The following RREB1 variants were observed in gnomAD, a reference collection of about 807,000 sequenced individuals.
RREB1 encodes ras responsive element binding protein 1, also known as ras-responsive element-binding protein 1.
In RREB1, 27 loss-of-function variants were observed where a neutral mutation model predicts 117.8. That is an observed-to-expected ratio of 0.23 (90% confidence interval 0.17 to 0.32). The LOEUF is 0.32. Ranked by LOEUF, RREB1 falls within the 10% of genes least tolerant of loss-of-function variation. The pLI is 1.00. For missense variants in RREB1, 2,577 were observed against 2,378.2 expected, an observed-to-expected ratio of 1.08 and a Z score of -1.74; for synonymous variants, 1,298 against 1,026.7, an observed-to-expected ratio of 1.26 and a Z score of -5.05.
chr6:7,229,460 T>C lies in RREB1; in HGVS notation c.1361T>C (p.Ile454Thr). ...KGFIIQPDSS[I>T]VVKPISGESA... ...TTCATCATCCAGCCTGACAGCAGCA[T>C]TGTGGTCAAGCCCATCTCTGGCGAG... The change falls in exon 10 of 13, where the codon ATT becomes ACT. Residue 454 changes from isoleucine (I) to threonine (T), a missense_variant. Transcript: ENST00000379938. The surrounding 1 kb of genome is among the most constrained non-coding windows in gnomAD (Gnocchi z 4.5). 6.2e-7 allele frequency: 1 copy of C among 1,614,112 alleles called. No homozygotes were observed. The highest frequency in any genetic ancestry group is 8.5e-7 in the Non-Finnish European group (1 of 1,180,002).
chr6:7,186,215 T>C (rs1765074351), intron 4 of RREB1, among the ~76,000 whole-genome samples: 1 of 152,222 alleles, frequency 6.6e-6, no homozygotes, highest in Non-Finnish European at 1.5e-5. Context: ...TCTCCTGGCT[T>C]GGGCTTGCCG....
At chr6:7,117,111 T>G (rs1478867272) in intron 1 of RREB1, among the ~76,000 whole-genome samples, 1 of 152,202 alleles carries the variant, frequency 6.6e-6, no homozygotes, top group Non-Finnish European at 1.5e-5. Flanking sequence ...AAATCTTGCT[T>G]TATGTGTTTG....
At chr6:7,169,545 G>T (rs1370957278) in intron 1 of RREB1, among the ~76,000 whole-genome samples, 1 of 152,238 alleles carries the variant, frequency 6.6e-6, no homozygotes, top group Non-Finnish European at 1.5e-5. Flanking sequence ...AGTGCCGAGG[G>T]CTGCTGTGTC....
At chr6:7,127,422 C>T (rs934332347) in intron 1 of RREB1, among the ~76,000 whole-genome samples, 29 of 151,942 alleles carry the variant, frequency 1.9e-4, no homozygotes, top group African/African-American at 6.8e-4. Context: ...CTTCTGAAGC[C>T]TTGTTAAATG....
intron 1 of RREB1, among the ~76,000 whole-genome samples, chr6:7,169,800 G>GA (rs1268462089): frequency 6.6e-6 from 1 of 152,142 alleles, no homozygotes; most frequent in Non-Finnish European, 1.5e-5. Flanking sequence ...GCAGGAAGAA[G>GA]AATGGGGTAC....
chr6:7,185,818 A>G (rs1392573652), intron 4 of RREB1, among the ~76,000 whole-genome samples: 2 of 152,178 alleles, frequency 1.3e-5, no homozygotes, highest in African/African-American at 4.8e-5. Flanking sequence ...TATAGAGCAT[A>G]GTGGCTTAGG....
At chr6:7,226,422 A>G (rs773092253) in intron 8 of RREB1, 45 bp from the exon 9 acceptor site, 44 of 1,472,268 alleles carry the variant, frequency 3.0e-5, no homozygotes, top group Non-Finnish European at 3.7e-5. Flanking sequence ...GCTTCCTCAT[A>G]TGCTCTCCCT....
intron 10 of RREB1, among the ~76,000 whole-genome samples, chr6:7,237,869 A>G (rs1768439923): frequency 6.6e-6 from 1 of 152,178 alleles, no homozygotes; most frequent in Non-Finnish European, 1.5e-5. Context: ...GAGCCTTTGT[A>G]GTTTGATGCA....
At position 7,188,709 on chromosome 6, in the gene RREB1, C is replaced by T. The variant is rs1765238076; in HGVS notation, c.262-450C>T. On this transcript the variant is annotated intron_variant, in intron 5 of 12. Coordinates refer to ENST00000379938, the MANE Select transcript of RREB1 (RefSeq NM_001003699.4). Reference sequence around the variant, plus strand: ...GTTCCTTTTTACCGTCTTTCAGAGGCCAAAACTCTACCCTGTGCAGGTTTC... The same window carrying T: ...GTTCCTTTTTACCGTCTTTCAGAGGTCAAAACTCTACCCTGTGCAGGTTTC... Among the ~76,000 whole-genome samples, 3 of 152,128 alleles carry T rather than the reference C, an allele frequency of 2.0e-5. No individual in the cohort carries two copies. In the South Asian group the frequency reaches 6.2e-4, roughly 32 times the overall value.
intron 11 of RREB1, among the ~76,000 whole-genome samples, chr6:7,242,487 G>C (rs537849205): frequency 1.3e-5 from 2 of 152,354 alleles, no homozygotes; most frequent in East Asian, 3.9e-4. Context: ...GAAAATACAT[G>C]TTTGGTTTAG....
At position 7,229,129 on chromosome 6, in the gene RREB1, G is replaced by T; in HGVS notation, c.1030G>T (p.Gly344Cys). The T allele has an allele frequency of 1.2e-6, 2 of 1,609,194 alleles. No homozygotes were observed. The highest frequency in any genetic ancestry group is 1.7e-6 in the Non-Finnish European group (2 of 1,176,220). The change falls in exon 10 of 13, where the codon GGT becomes TGT. Residue 344 changes from glycine (G) to cysteine (C), a missense_variant. By Grantham distance (159) the Gly-to-Cys change is radical (BLOSUM62 -3). Coordinates refer to ENST00000379938, the MANE Select transcript of RREB1 (RefSeq NM_001003699.4). The surrounding 1 kb of genome is among the most constrained non-coding windows in gnomAD (Gnocchi z 4.5). Reference protein sequence around the residue: ...HKQTHVAADQGQEKPQATPLP... With the variant: ...HKQTHVAADQCQEKPQATPLP... ...GCAGACCCATGTGGCGGCAGACCAG[G>T]GTCAAGAAAAGCCGCAGGCCACGCC...
chr6:7,131,108 T>A (rs1042642717), intron 1 of RREB1, among the ~76,000 whole-genome samples: 4 of 150,020 alleles, frequency 2.7e-5, no homozygotes, highest in Admixed American at 2.0e-4. Flanking sequence ...CCGGCTAATT[T>A]TTTGTATTTT....
chr6:7,129,287 G>T (rs987541533), intron 1 of RREB1, among the ~76,000 whole-genome samples: 2 of 152,250 alleles, frequency 1.3e-5, no homozygotes, highest in African/African-American at 4.8e-5. Context: ...GTTGAGGAAG[G>T]TGTCTGAGAA....
At chr6:7,169,333 C>T (rs938963930) in intron 1 of RREB1, among the ~76,000 whole-genome samples, 3 of 152,232 alleles carry the variant, frequency 2.0e-5, no homozygotes, top group Admixed American at 1.3e-4. Context: ...GGCCCTCTGC[C>T]CCTGTGGTCC....
At chr6:7,237,426 C>T (rs1040730865) in intron 10 of RREB1, among the ~76,000 whole-genome samples, 7 of 151,532 alleles carry the variant, frequency 4.6e-5, no homozygotes, top group Non-Finnish European at 1.0e-4. Context: ...CAAGGTCTCA[C>T]TGTGTTGCCC....
At chr6:7,143,475 G>A (rs1448839428) in intron 1 of RREB1, among the ~76,000 whole-genome samples, 3 of 152,144 alleles carry the variant, frequency 2.0e-5, no homozygotes, top group Non-Finnish European at 2.9e-5. Context: ...TTCTAGTTGG[G>A]CTTTCCCCCG....
At chr6:7,116,701 C>T (rs1431457225) in intron 1 of RREB1, among the ~76,000 whole-genome samples, 2 of 152,110 alleles carry the variant, frequency 1.3e-5, no homozygotes, top group Admixed American at 6.5e-5. Context: ...GAAGGTGGTG[C>T]TAGGTGGGAA....
At chr6:7,123,610 C>CTTTTTT (rs5874079) in intron 1 of RREB1, among the ~76,000 whole-genome samples, 1 of 122,856 alleles carries the variant, frequency 8.1e-6, no homozygotes, top group African/African-American at 3.1e-5. Context: ...TGTGATGTGT[C>CTTTTTT]TTTTTTTTTT....
rs749633695 is a variant in RREB1 at position 7,226,419 on chromosome 6, C to T, written c.708-48C>T. On this transcript the variant is annotated intron_variant, in intron 8 of 12. Transcript: ENST00000379938. ...GGAAACTCTGACTTAACTGCTTCCT[C>T]ATATGCTCTCCCTTTCTGCCTCATA... The T allele has an allele frequency of 3.5e-6, 5 of 1,445,114 alleles. No individual in the cohort carries two copies. In the South Asian group the frequency reaches 4.0e-5, roughly 11 times the overall value. 89.5% of individuals were successfully genotyped at this position (1,445,114 alleles called of 1,614,324 possible).
Sources: gnomAD v4.1 joint callset for allele counts (sites outside exome capture counted in the v4.1 genomes callset) on GRCh38, gnomAD v4.1.1 for gene constraint, Gnocchi (gnomAD v3.1) non-coding constraint, MANE v1.5 for transcripts, NCBI Gene and HGNC (gene_info 2026-07-23, HGNC 2026-07-21) for gene names.